PTPN7: variants seen among roughly 807,000 people sequenced by gnomAD.
PTPN7 encodes protein tyrosine phosphatase non-receptor type 7.
PTPN7 carries 33 observed loss-of-function variants against 50.3 expected under a neutral mutation model. The observed-to-expected ratio is 0.66, with a 90% CI of 0.50 to 0.88. The LOEUF (loss-of-function observed/expected upper bound fraction) is 0.88. Among genes scored for constraint, PTPN7 ranks in the 40% least tolerant of loss-of-function variants. The pLI, the probability that PTPN7 is intolerant of heterozygous loss-of-function variation, is 0.00. For synonymous variants in PTPN7, 185 were observed against 186.6 expected, an observed-to-expected ratio of 0.99 and a Z score of 0.07; for missense variants, 412 against 475.4, an observed-to-expected ratio of 0.87 and a Z score of 1.24.
At chr1:202,153,982 C>T (rs1656352480) in intron 6 of PTPN7, 147 bp from the exon 7 acceptor site, 2 of 979,438 alleles carry the variant, frequency 2.0e-6, no homozygotes, top group Admixed American at 2.1e-5. Flanking sequence ...GAGCTTGATA[C>T]CTGCAAGCAG....
chr1:202,159,870 G>C lies in PTPN7; in HGVS notation c.-52-416C>G. The C allele has an allele frequency of 5.8e-6, 6 of 1,042,000 alleles. No homozygotes were observed. Among genetic ancestry groups the C allele is most frequent in the Non-Finnish European group, 6.9e-6 (6 of 865,680 alleles). 64.5% of individuals were successfully genotyped at this position (1,042,000 alleles called of 1,614,324 possible). A position where few individuals can be genotyped will look rare whatever the true frequency, so the allele number is the denominator to read the frequency against. The stretch of plus-strand genomic sequence containing the variant: ...TGAGCTAACCAGTGGGCCTTCCCCT[G>C]AACAGAGAATGGAGGCCTCCAGCAG... On this transcript the variant is annotated intron_variant, in intron 1 of 9. Transcript: ENST00000691036. The surrounding 1 kb of genome is among the most constrained non-coding windows in gnomAD (Gnocchi z 4.6).
Position 202,148,452 on chromosome 1 carries a change from T to C in PTPN7, c.*154A>G, listed in dbSNP as rs1377529140. On this transcript the variant is annotated 3_prime_UTR_variant, in exon 10 of 10. Coordinates refer to ENST00000691036, the MANE Select transcript of PTPN7 (RefSeq NM_002832.4). ...GAATCCGGCCCCTTGTCCTTACTGC[T>C]GCTGCTTCCTGTGACTGCAAGCACC... 2 of 597,244 alleles carry C rather than the reference T, an allele frequency of 3.3e-6. No homozygotes were observed. Among genetic ancestry groups the C allele is most frequent in the Non-Finnish European group, 5.8e-6 (2 of 345,496 alleles). The allele number at this position is 597,244 out of a possible 1,614,324, so 37.0% of individuals were successfully genotyped here.
At chr1:202,154,461 C>T in intron 5 of PTPN7, 138 bp from the exon 6 acceptor site, 1 of 963,534 alleles carries the variant, frequency 1.0e-6, no homozygotes, top group South Asian at 1.7e-5. Context: ...CGAACACGCA[C>T]ACTCAGAAGC....
At chr1:202,161,015 T>C, upstream of PTPN7, 4 of 1,006,332 alleles carry the variant, frequency 4.0e-6, no homozygotes, top group Non-Finnish European at 5.2e-6. Context: ...CACAGCCCTC[T>C]CCCTCAAGGC....
In PTPN7 at chr1:202,147,555, C is replaced by T. The variant is rs552067598; in HGVS notation, c.*1051G>A. On this transcript the variant is annotated 3_prime_UTR_variant, in exon 10 of 10. Coordinates refer to ENST00000691036, the MANE Select transcript of PTPN7 (RefSeq NM_002832.4). Reference sequence around the variant, plus strand: ...GAATCCTGAGGTGTGGCGTTCAGTCCTGAGGTAGACCTGAGGTCCCCTGGA... The same window carrying T: ...GAATCCTGAGGTGTGGCGTTCAGTCTTGAGGTAGACCTGAGGTCCCCTGGA... 3.7e-4 allele frequency: 56 copies of T among 152,286 alleles called. No homozygotes were observed. Among genetic ancestry groups the T allele is most frequent in the African/African-American group, 1.2e-3 (50 of 41,538 alleles). 9.4% of individuals were successfully genotyped at this position (152,286 alleles called of 1,614,324 possible).
upstream of PTPN7, chr1:202,160,811 G>A (rs1336079983): frequency 6.5e-7 from 1 of 1,536,426 alleles, no homozygotes; most frequent in Non-Finnish European, 8.8e-7. The surrounding 1 kb of genome is among the most constrained non-coding windows in gnomAD (Gnocchi z 4.8). Flanking sequence ...CGACCATCCT[G>A]CTTTCCCCAG....
chr1:202,161,377 G>C, upstream of PTPN7: 2 of 1,255,376 alleles, frequency 1.6e-6, no homozygotes, highest in Non-Finnish European at 2.1e-6. Context: ...CATCTACTTA[G>C]AAGACTTACA....
At position 202,159,539 on chromosome 1, in the gene PTPN7, C is replaced by G; in HGVS notation, c.-52-85G>C. On this transcript the variant is annotated intron_variant, in intron 1 of 9. Transcript: ENST00000691036. This position sits in a 1 kb window ranked among gnomAD's most constrained non-coding sequence, Gnocchi z 4.6. Reference sequence around the variant, plus strand: ...TCCCATGCCAGGCCAGGTTTGCACTCTGTTTTCACTGGGGCGTCTTCTGTT... The same window carrying G: ...TCCCATGCCAGGCCAGGTTTGCACTGTGTTTTCACTGGGGCGTCTTCTGTT... The G allele has an allele frequency of 6.5e-7, 1 of 1,527,548 alleles. No homozygotes were observed. Among genetic ancestry groups the G allele is most frequent in the South Asian group, 1.2e-5 (1 of 80,168 alleles). The allele number at this position is 1,527,548 out of a possible 1,614,324, so 94.6% of individuals were successfully genotyped here.
At position 202,157,834 on chromosome 1, in the gene PTPN7, G is replaced by T. The variant is rs1557977638; in HGVS notation, c.307-11C>A. 1.2e-6 allele frequency: 2 copies of T among 1,611,924 alleles called. No individual in the cohort carries two copies. Among genetic ancestry groups the T allele is most frequent in the Non-Finnish European group, 1.7e-6 (2 of 1,177,936 alleles). ...GTTTGAAGGGATCTTCTGGCAGGGG[G>T]AGGAAATGGGTGAGCAGCTGACTCC... On this transcript the variant is annotated splice_polypyrimidine_tract_variant and intron_variant, in intron 3 of 9. Transcript: ENST00000691036.
At chr1:202,153,675 G>A (rs1656302287) in intron 7 of PTPN7, 50 bp downstream of exon 7, 1 of 1,453,202 alleles carries the variant, frequency 6.9e-7, no homozygotes, top group East Asian at 2.3e-5. Context: ...TCCCAGAGAT[G>A]CTGTGGGCGG....
intron 9 of PTPN7, 119 bp from the exon 10 acceptor site, chr1:202,148,818 C>G (rs1655606149): frequency 1.0e-5 from 6 of 594,208 alleles, no homozygotes; most frequent in Non-Finnish European, 1.7e-5. Flanking sequence ...AAGAACATGC[C>G]AACTCCTTTG....
chr1:202,155,002 G>A (rs902624861), intron 5 of PTPN7, among the ~76,000 whole-genome samples: 4 of 152,174 alleles, frequency 2.6e-5, no homozygotes, highest in Non-Finnish European at 4.4e-5. Flanking sequence ...TACCCACATT[G>A]AGTCACTAGA....
intron 5 of PTPN7, 82 bp from the exon 6 acceptor site, chr1:202,154,405 G>A: frequency 2.6e-6 from 4 of 1,510,066 alleles, no homozygotes; most frequent in Non-Finnish European, 3.6e-6. Context: ...TCAGGTGCTG[G>A]GGTCAGCCTG....
chr1:202,152,862 T>G (rs1382177760), intron 7 of PTPN7, among the ~76,000 whole-genome samples, 163 bp from the exon 8 acceptor site: 1 of 152,152 alleles, frequency 6.6e-6, no homozygotes, highest in Non-Finnish European at 1.5e-5. Flanking sequence ...TCTCCACCAC[T>G]TCCCCCTTCA....
chr1:202,152,503 G>C, intron 8 of PTPN7, 39 bp downstream of exon 8: 1 of 1,599,992 alleles, frequency 6.3e-7, no homozygotes, highest in East Asian at 2.2e-5. Context: ...GGGGAGGGGA[G>C]CACAGTCCAC....
intron 5 of PTPN7, 140 bp from the exon 6 acceptor site, chr1:202,154,463 C>T: frequency 2.1e-6 from 2 of 959,712 alleles, no homozygotes; most frequent in Non-Finnish European, 3.0e-6. Flanking sequence ...AACACGCACA[C>T]TCAGAAGCCA....
In PTPN7 at chr1:202,159,364, C is replaced by T. The variant is rs755589508; in HGVS notation, c.39G>A (p.Pro13=). The change falls in exon 2 of 10, where the codon CCG becomes CCA. Residue 13 remains proline (P), a synonymous_variant. Coordinates refer to ENST00000691036, the MANE Select transcript of PTPN7 (RefSeq NM_002832.4). The surrounding 1 kb of genome is among the most constrained non-coding windows in gnomAD (Gnocchi z 4.6). ...QAHGGRSRAQ[P]LTLSLGAAMT... ...TGGCTGCCCCCAAAGACAAGGTCAACGGCTGTGCTCTGGAGCGCCCCCCAT... is the reference window on the plus strand; with the variant it reads ...TGGCTGCCCCCAAAGACAAGGTCAATGGCTGTGCTCTGGAGCGCCCCCCAT... 2.0e-5 allele frequency: 33 copies of T among 1,614,090 alleles called. No homozygotes were observed. The East Asian group carries it at 2.5e-4, about 12-fold the overall frequency.
intron 8 of PTPN7, among the ~76,000 whole-genome samples, chr1:202,150,903 C>T (rs926682398): frequency 6.6e-6 from 1 of 152,116 alleles, no homozygotes; most frequent in Admixed American, 6.5e-5. Context: ...CTTTCTCTAT[C>T]GTGCCCTCTC....
In PTPN7 at chr1:202,153,717, G is replaced by T. The variant is rs368972724; in HGVS notation, c.717+8C>A. On this transcript the variant is annotated splice_region_variant and intron_variant, in intron 7 of 9. Transcript: ENST00000691036. Reference sequence around the variant, plus strand: ...TTCCCACTGGGCCTGGCTCCGGGGGGGTGGTACCTGGATGGTGAGCTGCCG... The same window carrying T: ...TTCCCACTGGGCCTGGCTCCGGGGGTGTGGTACCTGGATGGTGAGCTGCCG... The T allele has an allele frequency of 4.3e-6, 7 of 1,609,670 alleles. No individual in the cohort carries two copies. Among genetic ancestry groups the T allele is most frequent in the East Asian group, 4.5e-5 (2 of 44,852 alleles).
Sources: allele counts gnomAD v4.1 joint callset (sites outside exome capture counted in the v4.1 genomes callset), GRCh38; gene constraint gnomAD v4.1.1; non-coding constraint Gnocchi (gnomAD v3.1); transcripts MANE v1.5; gene names NCBI Gene and HGNC (gene_info 2026-07-23, HGNC 2026-07-21).